Variants in N4BP2L2 observed in about 807,000 individuals in gnomAD.
N4BP2L2 encodes NEDD4-binding protein 2-like 2.
Under a neutral mutation model 56.2 loss-of-function variants are expected in N4BP2L2, and 50 were observed. The ratio of observed to expected loss-of-function variants is 0.89; its 90% CI spans 0.71 to 1.13. The LOEUF is 1.13. Ranked by LOEUF, N4BP2L2 falls within the 50% of genes most tolerant of loss-of-function variation. The probability of loss-of-function intolerance (pLI) is 0.00; values close to 1 mark genes in which losing one functional copy is unlikely to be tolerated. For synonymous variants in N4BP2L2, 203 were observed against 223.6 expected (o/e 0.91, Z 0.82); for missense variants, 689 against 693.8 (o/e 0.99, Z 0.08).
At chr13:32,521,418 T>C (rs1402164950) in exon 5 of N4BP2L2, 9 of 1,613,078 alleles carry the variant, frequency 5.6e-6, no homozygotes, top group Admixed American at 3.3e-5. Flanking sequence ...TTCAGGTTCA[T>C]GAAACTCTAC....
chr13:32,440,214 A>C (rs2076098859), intron 7 of N4BP2L2, among the ~76,000 whole-genome samples: 1 of 152,150 alleles, frequency 6.6e-6, no homozygotes, highest in Non-Finnish European at 1.5e-5. Flanking sequence ...TATCTGGAAC[A>C]TCAGAAGCTT....
At chr13:32,491,359 G>C (rs1464440759) in intron 6 of N4BP2L2, among the ~76,000 whole-genome samples, 1 of 151,830 alleles carries the variant, frequency 6.6e-6, no homozygotes, top group Admixed American at 6.6e-5. Context: ...ATACTAAGTA[G>C]ATGAAATACA....
At chr13:32,537,267 T>C (rs1263568362) in intron 1 of N4BP2L2, among the ~76,000 whole-genome samples, 1 of 151,794 alleles carries the variant, frequency 6.6e-6, no homozygotes, top group African/African-American at 2.4e-5. Context: ...TATATGTATA[T>C]ATACATATAT....
At chr13:32,491,104 G>A (rs573330112) in intron 6 of N4BP2L2, among the ~76,000 whole-genome samples, 3 of 151,846 alleles carry the variant, frequency 2.0e-5, no homozygotes, top group Non-Finnish European at 2.9e-5. Flanking sequence ...AGAAAAAACC[G>A]AAATAGAACC....
At chr13:32,449,226 G>A (rs948853752) in intron 6 of N4BP2L2, among the ~76,000 whole-genome samples, 9 of 152,120 alleles carry the variant, frequency 5.9e-5, no homozygotes, top group African/African-American at 1.9e-4. Flanking sequence ...GGGTTTATTC[G>A]CAAGTCTGTT....
At chr13:32,496,493 C>G (rs1428206318) in intron 6 of N4BP2L2, among the ~76,000 whole-genome samples, 2 of 152,164 alleles carry the variant, frequency 1.3e-5, no homozygotes, top group Non-Finnish European at 2.9e-5. Context: ...CAGCTTACTC[C>G]AGGGTACTTC....
At chr13:32,528,284 C>T (rs529928621) in intron 2 of N4BP2L2, among the ~76,000 whole-genome samples, 1 of 152,274 alleles carries the variant, frequency 6.6e-6, no homozygotes, top group East Asian at 1.9e-4. Flanking sequence ...CTTTAATAAA[C>T]TCATTTCCAT....
At chr13:32,509,016 C>T (rs1330191074), downstream of N4BP2L2, 2 of 152,072 alleles carry the variant, frequency 1.3e-5, no homozygotes, top group Non-Finnish European at 2.9e-5. Context: ...GATCATAAAC[C>T]ACAAATCTAA....
chr13:32,435,502 G>A (rs1029201432), intron 9 of N4BP2L2, among the ~76,000 whole-genome samples: 2 of 152,204 alleles, frequency 1.3e-5, no homozygotes, highest in Non-Finnish European at 2.9e-5. Flanking sequence ...CCAAAGTGCT[G>A]GGAGTATAGG....
chr13:32,478,131 G>T, intron 6 of N4BP2L2: 1 of 1,097,970 alleles, frequency 9.1e-7, no homozygotes, highest in Non-Finnish European at 1.2e-6. Flanking sequence ...TAACGTCTAC[G>T]CCATGGCCAG....
At chr13:32,446,295 TA>T in intron 6 of N4BP2L2, 1 of 1,174,658 alleles carries the variant, frequency 8.5e-7, no homozygotes, top group Non-Finnish European at 1.2e-6. Context: ...GGGGCCTCTA[TA>T]AAAAGGATAT....
chr13:32,538,760 C>T (rs1040580310), exon 1 of N4BP2L2: 25 of 985,330 alleles, frequency 2.5e-5, no homozygotes, highest in Non-Finnish European at 2.9e-5. Context: ...CTCTCAGAAT[C>T]GCGGTAACAA....
chr13:32,518,098 A>G, intron 5 of N4BP2L2, 95 bp from the exon 6 acceptor site: 1 of 1,124,174 alleles, frequency 8.9e-7, no homozygotes, highest in South Asian at 1.8e-5. Context: ...ATTCTAAATA[A>G]TATTTTGTAA....
chr13:32,462,736 A>G (rs1342847259), intron 6 of N4BP2L2, among the ~76,000 whole-genome samples: 1 of 151,936 alleles, frequency 6.6e-6, no homozygotes, highest in Non-Finnish European at 1.5e-5. Flanking sequence ...ATTAAAATGT[A>G]CAAATATTGG....
chr13:32,532,669 C>T (rs1276891931), intron 2 of N4BP2L2, among the ~76,000 whole-genome samples: 2 of 149,862 alleles, frequency 1.3e-5, no homozygotes, highest in Non-Finnish European at 3.0e-5. Flanking sequence ...CGGCTCACTG[C>T]AACCTCTGCC....
exon 6 of N4BP2L2, chr13:32,517,954 G>A: frequency 1.9e-6 from 3 of 1,613,876 alleles, no homozygotes; most frequent in Non-Finnish European, 1.7e-6. Flanking sequence ...TATTCATAAC[G>A]ATCCAACATC....
intron 5 of N4BP2L2, among the ~76,000 whole-genome samples, 182 bp from the exon 6 acceptor site, chr13:32,518,185 T>C (rs1003765244): frequency 2.0e-5 from 3 of 152,212 alleles, no homozygotes; most frequent in Non-Finnish European, 4.4e-5. Flanking sequence ...TTATCAATAT[T>C]TTAAAAAGGT....
exon 6 of N4BP2L2, chr13:32,512,221 A>C (rs2048295312): frequency 2.0e-5 from 3 of 152,166 alleles, no homozygotes; most frequent in African/African-American, 7.2e-5. Flanking sequence ...GCTCCTCTCA[A>C]AGTATTTCAA....
At chr13:32,499,504 A>G (rs1000586395) in intron 6 of N4BP2L2, among the ~76,000 whole-genome samples, 1 of 152,176 alleles carries the variant, frequency 6.6e-6, no homozygotes, top group African/African-American at 2.4e-5. Flanking sequence ...AGGAAGCCTC[A>G]TTTGTTTTCT....
Sources: allele counts gnomAD v4.1 joint callset (sites outside exome capture counted in the v4.1 genomes callset), GRCh38; gene constraint gnomAD v4.1.1; transcripts MANE v1.5; gene names NCBI Gene and HGNC (gene_info 2026-07-23, HGNC 2026-07-21).